The following PRR16 variants were observed in gnomAD, a reference collection of about 807,000 sequenced individuals.
The protein encoded by PRR16 is protein Largen.
Under a neutral mutation model 18.2 loss-of-function variants are expected in PRR16, and 6 were observed. The ratio of observed to expected loss-of-function variants is 0.33; its 90% CI spans 0.18 to 0.65. PRR16 has a LOEUF of 0.65. Among genes scored for constraint, PRR16 ranks in the 30% least tolerant of loss-of-function variants. The probability of loss-of-function intolerance (pLI) is 0.74; values close to 1 mark genes in which losing one functional copy is unlikely to be tolerated. For missense variants in PRR16, 412 were observed against 376.6 expected (o/e 1.09, Z -0.78); for synonymous variants, 151 against 147.8 (o/e 1.02, Z -0.16).
chr5:120,581,612 G>C (rs1056878804), intron 1 of PRR16, among the ~76,000 whole-genome samples: 2 of 151,976 alleles, frequency 1.3e-5, no homozygotes, highest in Non-Finnish European at 2.9e-5. Flanking sequence ...TGTGATGCTA[G>C]TATGTCGATT....
intron 1 of PRR16, among the ~76,000 whole-genome samples, chr5:120,467,735 G>A (rs1749148151): frequency 6.6e-6 from 1 of 152,090 alleles, no homozygotes; most frequent in African/African-American, 2.4e-5. Flanking sequence ...TATATTAGAA[G>A]CAGAGGAACA....
At chr5:120,517,585 G>T (rs1205925138) in intron 1 of PRR16, among the ~76,000 whole-genome samples, 1 of 152,062 alleles carries the variant, frequency 6.6e-6, no homozygotes, top group Admixed American at 6.6e-5. Context: ...AAAATCTCCA[G>T]GGTTTAATAA....
chr5:120,535,715 G>C (rs1751695238), intron 1 of PRR16, among the ~76,000 whole-genome samples: 1 of 151,958 alleles, frequency 6.6e-6, no homozygotes, highest in Non-Finnish European at 1.5e-5. Flanking sequence ...CATGGGAATT[G>C]CTTGAGTCTG....
intron 1 of PRR16, among the ~76,000 whole-genome samples, chr5:120,536,462 A>G (rs1464981573): frequency 6.6e-6 from 1 of 152,208 alleles, no homozygotes; most frequent in Admixed American, 6.5e-5. Context: ...ATTTGACACT[A>G]TCTAGTTCAA....
intron 1 of PRR16, among the ~76,000 whole-genome samples, chr5:120,646,935 G>A (rs1324990775): frequency 6.6e-6 from 1 of 151,918 alleles, no homozygotes; most frequent in Non-Finnish European, 1.5e-5. Flanking sequence ...AGGAATCATG[G>A]GTTGCAGAGA....
chr5:120,696,705 A>T, the PRR16 span, among the ~76,000 whole-genome samples: 13 of 152,196 alleles, frequency 8.5e-5, no homozygotes, highest in African/African-American at 3.1e-4. Flanking sequence ...GGTAAGCAAA[A>T]AAATTTGAGC....
chr5:120,573,428 C>A (rs1441816491), intron 1 of PRR16, among the ~76,000 whole-genome samples: 1 of 152,144 alleles, frequency 6.6e-6, no homozygotes, highest in East Asian at 1.9e-4. Flanking sequence ...ATAGTTCACA[C>A]CATTATCTGT....
intron 1 of PRR16, among the ~76,000 whole-genome samples, chr5:120,508,929 T>G (rs1750732405): frequency 6.6e-6 from 1 of 152,066 alleles, no homozygotes; most frequent in Non-Finnish European, 1.5e-5. Flanking sequence ...ATATGCTCCT[T>G]TTTGTATATA....
chr5:120,693,273 T>C, the PRR16 span, among the ~76,000 whole-genome samples: 3 of 152,052 alleles, frequency 2.0e-5, no homozygotes, highest in Non-Finnish European at 2.9e-5. Context: ...GTTTAAAACG[T>C]AGATAATGGT....
At chr5:120,565,987 G>A (rs894957578) in intron 1 of PRR16, among the ~76,000 whole-genome samples, 12 of 152,116 alleles carry the variant, frequency 7.9e-5, no homozygotes, top group Non-Finnish European at 1.8e-4. Context: ...TATAACTATG[G>A]CATGGTTGAT....
chr5:120,719,043 C>T, the PRR16 span, among the ~76,000 whole-genome samples: 39 of 152,110 alleles, frequency 2.6e-4, no homozygotes, highest in South Asian at 6.2e-3. Flanking sequence ...TAAATGAATG[C>T]TGTTTGGGCA....
chr5:120,467,741 G>T (rs1413616534), intron 1 of PRR16, among the ~76,000 whole-genome samples: 1 of 152,040 alleles, frequency 6.6e-6, no homozygotes, highest in African/African-American at 2.4e-5. Flanking sequence ...AGAAGCAGAG[G>T]AACAGGCTTT....
chr5:120,471,453 T>C (rs557651282), intron 1 of PRR16, among the ~76,000 whole-genome samples: 25 of 152,254 alleles, frequency 1.6e-4, no homozygotes, highest in African/African-American at 5.5e-4. Flanking sequence ...CTGAGATGTT[T>C]GAGGTTTGAC....
At chr5:120,472,141 C>T (rs1392790112) in intron 1 of PRR16, among the ~76,000 whole-genome samples, 1 of 152,064 alleles carries the variant, frequency 6.6e-6, no homozygotes, top group Non-Finnish European at 1.5e-5. Context: ...AAATTACATA[C>T]TTATGCTCAA....
intron 1 of PRR16, among the ~76,000 whole-genome samples, chr5:120,543,534 A>T (rs1254388871): frequency 6.6e-6 from 1 of 152,232 alleles, no homozygotes; most frequent in African/African-American, 2.4e-5. Flanking sequence ...ACCAGTATAT[A>T]GTCCTTCAAT....
chr5:120,538,298 TGAGATTTTTAA>T (rs1344541345), intron 1 of PRR16, among the ~76,000 whole-genome samples: 5 of 152,230 alleles, frequency 3.3e-5, no homozygotes, highest in African/African-American at 1.2e-4. Flanking sequence ...ATAAGCATTC[TGAGATTTTTAA>T]GGGAAGCTCT....
intron 1 of PRR16, among the ~76,000 whole-genome samples, chr5:120,587,047 T>C (rs1048751197): frequency 1.3e-5 from 2 of 152,224 alleles, no homozygotes; most frequent in African/African-American, 4.8e-5. Context: ...TTTAGTGATC[T>C]GGATAGACGA....
chr5:120,570,875 A>C (rs1752884039), intron 1 of PRR16, among the ~76,000 whole-genome samples: 1 of 152,170 alleles, frequency 6.6e-6, no homozygotes, highest in Admixed American at 6.5e-5. Flanking sequence ...TTCTTAAAGA[A>C]GAATATGAAT....
At chr5:120,578,483 T>G (rs1461640206) in intron 1 of PRR16, among the ~76,000 whole-genome samples, 2 of 152,158 alleles carry the variant, frequency 1.3e-5, no homozygotes, top group African/African-American at 4.8e-5. Context: ...AACTTACAAG[T>G]GAGAATATGT....
Sources: allele counts gnomAD v4.1 joint callset (sites outside exome capture counted in the v4.1 genomes callset), GRCh38; gene constraint gnomAD v4.1.1; transcripts MANE v1.5; gene names NCBI Gene and HGNC (gene_info 2026-07-23, HGNC 2026-07-21).